Variants in SPOCK3 observed in about 807,000 individuals in gnomAD.
SPOCK3 encodes the protein SPARC (osteonectin), cwcv and kazal like domains proteoglycan 3, also known as testican-3.
Under a neutral mutation model 56.6 loss-of-function variants are expected in SPOCK3, and 30 were observed. The ratio of observed to expected loss-of-function variants is 0.53; its 90% CI spans 0.40 to 0.72. The LOEUF (loss-of-function observed/expected upper bound fraction) is 0.72, where lower values mean the gene tolerates loss of function less well. Ranked by LOEUF, SPOCK3 falls within the 30% of genes least tolerant of loss-of-function variation. SPOCK3 has a pLI of 0.00. For missense variants in SPOCK3, 527 were observed against 530.0 expected (o/e 0.99, Z 0.06); for synonymous variants, 196 against 183.3 (o/e 1.07, Z -0.56).
rs535420213 is a variant in SPOCK3, at chr4:167,191,922, A to G, written c.189+42063T>C. Among the ~76,000 whole-genome samples, 26 of 145,652 alleles carry G rather than the reference A, an allele frequency of 1.8e-4. 1 individual carries two copies. Among genetic ancestry groups the G allele is most frequent in the South Asian group, 1.3e-3 (6 of 4,666 alleles). ...ATAAGGTTGGCCACAAGCTTCTCAT[A>G]TATGTTCTTCATTAAGTTGAAGTAC... On this transcript the variant is annotated intron_variant, in intron 2 of 10. Transcript: ENST00000357545.
intron 3 of SPOCK3, among the ~76,000 whole-genome samples, chr4:167,059,965 A>G (rs1304876812): frequency 5.3e-5 from 8 of 151,694 alleles, no homozygotes; most frequent in Admixed American, 5.3e-4. Flanking sequence ...GAACACATGG[A>G]CACAGGAAGG....
chr4:166,941,270 GA>G (rs1294647201), intron 4 of SPOCK3, among the ~76,000 whole-genome samples: 1 of 151,978 alleles, frequency 6.6e-6, no homozygotes, highest in African/African-American at 2.4e-5. Context: ...AAGAGAAACA[GA>G]AAAAAATGGA....
intron 3 of SPOCK3, among the ~76,000 whole-genome samples, chr4:167,054,029 T>A (rs1580136783): frequency 1.3e-5 from 2 of 152,348 alleles, no homozygotes; most frequent in Non-Finnish European, 2.9e-5. Flanking sequence ...ACGCTCCAAG[T>A]TCCTTTGGAT....
intron 6 of SPOCK3, among the ~76,000 whole-genome samples, chr4:166,816,291 T>A (rs1020539442): frequency 6.6e-6 from 1 of 152,118 alleles, no homozygotes; most frequent in Non-Finnish European, 1.5e-5. Context: ...CTATTTCAAC[T>A]GTGTATATGT....
At chr4:167,204,229 C>T (rs1733804054) in intron 2 of SPOCK3, among the ~76,000 whole-genome samples, 1 of 151,986 alleles carries the variant, frequency 6.6e-6, no homozygotes, top group African/African-American at 2.4e-5. Context: ...CTATCATAAA[C>T]CACTGGATAG....
At chr4:167,021,604 A>G (rs1198184608) in intron 3 of SPOCK3, among the ~76,000 whole-genome samples, 1 of 151,954 alleles carries the variant, frequency 6.6e-6, no homozygotes, top group African/African-American at 2.4e-5. Context: ...TCTCCGGTCG[A>G]TTTCCCCAGA....
chr4:167,143,463 A>G (rs915355524), intron 2 of SPOCK3, among the ~76,000 whole-genome samples: 1 of 152,006 alleles, frequency 6.6e-6, no homozygotes, highest in Admixed American at 6.6e-5. Context: ...CCTAGCAAAC[A>G]GTAAGTGATC....
chr4:167,156,753 G>A (rs185724678), intron 2 of SPOCK3, among the ~76,000 whole-genome samples: 13 of 152,194 alleles, frequency 8.5e-5, no homozygotes, highest in Admixed American at 3.3e-4. Flanking sequence ...CAATCCCATG[G>A]TAAGCATTGA....
intron 4 of SPOCK3, among the ~76,000 whole-genome samples, chr4:166,947,491 C>T (rs1256685033): frequency 6.6e-6 from 1 of 151,978 alleles, no homozygotes; most frequent in Non-Finnish European, 1.5e-5. Flanking sequence ...CTTTTGCCAC[C>T]TTTGAAAATA....
At chr4:167,109,439 T>C (rs1296952970) in intron 2 of SPOCK3, among the ~76,000 whole-genome samples, 3 of 102,470 alleles carry the variant, frequency 2.9e-5, no homozygotes, top group African/African-American at 7.5e-5. Flanking sequence ...ATGATAAATA[T>C]ATATTTATAT....
intron 3 of SPOCK3, among the ~76,000 whole-genome samples, chr4:167,003,763 G>C (rs568199429): frequency 6.6e-6 from 1 of 152,262 alleles, no homozygotes; most frequent in Non-Finnish European, 1.5e-5. Context: ...TCTGGTCAGT[G>C]TAAACTAACC....
At chr4:166,878,198 G>A (rs980494692) in intron 6 of SPOCK3, among the ~76,000 whole-genome samples, 2 of 152,168 alleles carry the variant, frequency 1.3e-5, no homozygotes, top group Admixed American at 1.3e-4. Flanking sequence ...AGAATTGCTT[G>A]AACCCGGGTG....
chr4:167,099,988 C>T (rs560793574), intron 2 of SPOCK3, among the ~76,000 whole-genome samples: 2 of 152,234 alleles, frequency 1.3e-5, no homozygotes, highest in African/African-American at 2.4e-5. Context: ...CAATAACTAA[C>T]ATCACTTAGG....
At chr4:167,031,437 T>TA (rs1752264323) in intron 3 of SPOCK3, among the ~76,000 whole-genome samples, 1 of 152,096 alleles carries the variant, frequency 6.6e-6, no homozygotes, top group African/African-American at 2.4e-5. Context: ...CATAAGGTGT[T>TA]AAAAAAGCAC....
intron 2 of SPOCK3, among the ~76,000 whole-genome samples, chr4:167,202,744 T>G (rs1733641199): frequency 6.6e-6 from 1 of 150,866 alleles, no homozygotes; most frequent in Non-Finnish European, 1.5e-5. Context: ...CAAAATAAAC[T>G]TATGTGTATT....
intron 2 of SPOCK3, among the ~76,000 whole-genome samples, chr4:167,109,582 TTATA>T (rs549583963): frequency 7.4e-6 from 1 of 135,120 alleles, no homozygotes; most frequent in East Asian, 2.1e-4. Flanking sequence ...TATATATTTA[TTATA>T]TATATATATA....
chr4:166,941,018 T>C (rs893117979), intron 4 of SPOCK3, among the ~76,000 whole-genome samples: 1 of 151,986 alleles, frequency 6.6e-6, no homozygotes, highest in Non-Finnish European at 1.5e-5. Flanking sequence ...TAAATTACTC[T>C]ATGCTGCACT....
At chr4:166,867,883 A>G (rs1560951137) in intron 6 of SPOCK3, among the ~76,000 whole-genome samples, 1 of 151,900 alleles carries the variant, frequency 6.6e-6, no homozygotes, top group Non-Finnish European at 1.5e-5. Context: ...TATATGTTCC[A>G]GAAAAAAAGT....
chr4:167,222,515 T>C (rs1736034755), intron 2 of SPOCK3, among the ~76,000 whole-genome samples: 1 of 146,376 alleles, frequency 6.8e-6, no homozygotes, highest in Non-Finnish European at 1.5e-5. Context: ...GAATATATAA[T>C]ATATAACATG....
Sources: allele counts gnomAD v4.1 joint callset (sites outside exome capture counted in the v4.1 genomes callset), GRCh38; gene constraint gnomAD v4.1.1; transcripts MANE v1.5; gene names NCBI Gene and HGNC (gene_info 2026-07-23, HGNC 2026-07-21).